ZNF532: variants seen among roughly 807,000 people sequenced by gnomAD.
The protein encoded by ZNF532 is zinc finger protein 532.
Under a neutral mutation model 89.3 loss-of-function variants are expected in ZNF532, and 22 were observed. The ratio of observed to expected loss-of-function variants is 0.25; its 90% CI spans 0.18 to 0.35. The LOEUF (loss-of-function observed/expected upper bound fraction) is 0.35. ZNF532 is among the 10% of genes least tolerant of loss of function. The pLI is 1.00. For missense variants in ZNF532, 1,132 were observed against 1,643.4 expected (o/e 0.69, Z 5.38); for synonymous variants, 606 against 649.6 (o/e 0.93, Z 1.02).
At chr18:58,902,618 G>A (rs1432841050) in intron 2 of ZNF532, among the ~76,000 whole-genome samples, 1 of 151,638 alleles carries the variant, frequency 6.6e-6, no homozygotes, top group African/African-American at 2.4e-5. Flanking sequence ...TCAGCCTCTC[G>A]AGTAGCTGGG....
intron 7 of ZNF532, among the ~76,000 whole-genome samples, chr18:58,959,121 TTTGC>T (rs2065070492): frequency 6.6e-6 from 1 of 152,196 alleles, no homozygotes; most frequent in Non-Finnish European, 1.5e-5. Context: ...CATTCTCTCA[TTTGC>T]TGCCTGGTTC....
intron 5 of ZNF532, chr18:58,940,181 C>G (rs772683016): frequency 6.6e-6 from 1 of 152,166 alleles, no homozygotes; most frequent in African/African-American, 2.4e-5. Flanking sequence ...GCGTGAGCCA[C>G]GGCACCCAGC....
intron 2 of ZNF532, among the ~76,000 whole-genome samples, chr18:58,908,703 A>G (rs776126629): frequency 6.6e-6 from 1 of 152,198 alleles, no homozygotes; most frequent in Non-Finnish European, 1.5e-5. Flanking sequence ...TTGGGAAATC[A>G]TTTTGGCATT....
chr18:58,888,737 T>A (rs1327322224), intron 2 of ZNF532, among the ~76,000 whole-genome samples: 1 of 51,662 alleles, frequency 1.9e-5, no homozygotes, highest in African/African-American at 1.2e-4. Flanking sequence ...ATTATATATA[T>A]ATATTTTATA....
rs920008069 is a variant in ZNF532, at chr18:58,864,893, C to T, written c.-620C>T. On this transcript the variant is annotated 5_prime_UTR_variant, in exon 1 of 10. Coordinates refer to ENST00000591808, the MANE Select transcript of ZNF532 (RefSeq NM_001375912.1). ...AGCTACTACAGTAGGATAGCAGCTTCCTCCCTTCATGGCAGCCAAAAGCAG... is the reference window on the plus strand; with the variant it reads ...AGCTACTACAGTAGGATAGCAGCTTTCTCCCTTCATGGCAGCCAAAAGCAG... 1 of 152,302 alleles carries T rather than the reference C, an allele frequency of 6.6e-6. No individual in the cohort carries two copies. The highest frequency in any genetic ancestry group is 2.4e-5 in the African/African-American group (1 of 41,430). 9.4% of individuals were successfully genotyped at this position (152,302 alleles called of 1,614,324 possible).
intron 7 of ZNF532, among the ~76,000 whole-genome samples, chr18:58,959,266 T>TG (rs1242632347): frequency 2.8e-4 from 42 of 147,432 alleles, no homozygotes; most frequent in African/African-American, 9.9e-4. Flanking sequence ...TTTTGTTTTT[T>TG]TTTGTTTTTT....
intron 2 of ZNF532, among the ~76,000 whole-genome samples, chr18:58,903,311 G>A (rs144624213): frequency 7.2e-5 from 11 of 152,326 alleles, no homozygotes; most frequent in African/African-American, 2.2e-4. Flanking sequence ...AAAAACACAC[G>A]CGGAACCGCA....
chr18:58,971,524 T>G (rs1310985179), intron 7 of ZNF532, among the ~76,000 whole-genome samples: 2 of 152,172 alleles, frequency 1.3e-5, no homozygotes, highest in Non-Finnish European at 2.9e-5. Context: ...GGTTTTAAGG[T>G]ACAAGGGCAG....
intron 2 of ZNF532, chr18:58,916,779 A>G (rs2060630624): frequency 2.1e-6 from 2 of 973,844 alleles, no homozygotes; most frequent in Admixed American, 6.2e-5. Context: ...TGTGGTGTAT[A>G]TGAGTTTTCT....
rs1477772537 is a variant in ZNF532, at chr18:58,984,037, C to A, written c.3477C>A (p.Ile1159=). 2.5e-6 allele frequency: 4 copies of A among 1,611,738 alleles called. No homozygotes were observed. Among genetic ancestry groups the A allele is most frequent in the South Asian group, 1.1e-5 (1 of 90,982 alleles). The change falls in exon 10 of 10, where the codon ATC becomes ATA. Residue 1159 remains isoleucine (I), a synonymous_variant. Coordinates refer to ENST00000591808, the MANE Select transcript of ZNF532 (RefSeq NM_001375912.1). Reference sequence around the variant, plus strand: ...AGTTCAGGCCTCCCCGAGGAGCAATCACTCAACCACTGAAAAAGCTGAAAA... The same window carrying A: ...AGTTCAGGCCTCCCCGAGGAGCAATAACTCAACCACTGAAAAAGCTGAAAA... ...VLEFRPPRGA[I]TQPLKKLKIN...
rs144047430 is a variant in ZNF532 at position 58,892,718 on chromosome 18, C to T, written c.-17-25553C>T. Among the ~76,000 whole-genome samples, 6 of 152,328 alleles carry T rather than the reference C, an allele frequency of 3.9e-5. No individual in the cohort carries two copies. In the East Asian group the frequency reaches 9.6e-4, roughly 24 times the overall value. On this transcript the variant is annotated intron_variant, in intron 2 of 9. Transcript: ENST00000591808. Reference sequence around the variant, plus strand: ...GCAATTGTGATGCAGAAGCAATGTTCGTGTAGAGATTTTGAATCTAAGAGG... The same window carrying T: ...GCAATTGTGATGCAGAAGCAATGTTTGTGTAGAGATTTTGAATCTAAGAGG...
Position 58,918,454 on chromosome 18 carries a change from C to G in ZNF532, c.167C>G (p.Ser56Cys). The change falls in exon 3 of 10, where the codon TCT becomes TGT. Residue 56 changes from serine (S) to cysteine (C), a missense_variant. Coordinates refer to ENST00000591808, the MANE Select transcript of ZNF532 (RefSeq NM_001375912.1). ...GAGGATGACTCCCACGCACCATCAT[C>G]TTCTGATGTGGGTGTCAGCGTTATC... ...HGEDDSHAPS[S>C]SDVGVSVIVK... 1 of 1,614,174 alleles carries G rather than the reference C, an allele frequency of 6.2e-7. No homozygotes were observed. The highest frequency in any genetic ancestry group is 1.1e-5 in the South Asian group (1 of 91,082).
At chr18:58,958,382 C>CTGTATATACAAA (rs1304186231) in intron 7 of ZNF532, among the ~76,000 whole-genome samples, 1 of 152,142 alleles carries the variant, frequency 6.6e-6, no homozygotes, top group African/African-American at 2.4e-5. Flanking sequence ...GTTACAAATT[C>CTGTATATACAAA]TATATACAGA....
intron 3 of ZNF532, among the ~76,000 whole-genome samples, chr18:58,933,654 GTTT>G (rs1308145533): frequency 6.6e-6 from 1 of 152,100 alleles, no homozygotes; most frequent in Non-Finnish European, 1.5e-5. Context: ...TTGGTTTTGT[GTTT>G]TTAAAAATAT....
chr18:58,954,393 A>C (rs1287095571), intron 7 of ZNF532: 1 of 328,570 alleles, frequency 3.0e-6, no homozygotes, highest in East Asian at 1.7e-4. Context: ...ACCTAATAAT[A>C]TTAGCAAAAT....
intron 7 of ZNF532, among the ~76,000 whole-genome samples, chr18:58,977,124 G>C (rs775269363): frequency 6.6e-6 from 1 of 152,040 alleles, no homozygotes; most frequent in Non-Finnish European, 1.5e-5. Context: ...TTTTAACTTG[G>C]AGAAGAAATT....
In ZNF532 at chr18:58,984,239, A is replaced by C. The variant is rs755389157; in HGVS notation, c.3679A>C (p.Lys1227Gln). Residue 1227 changes from lysine to glutamine, a missense_variant, in exon 10 of 10, where the codon AAG becomes CAG. Physicochemically the swap from Lys to Gln is moderately conservative, Grantham distance 53. Around this residue, in one of 9 missense-constraint regions of ZNF532, gnomAD observed 415 missense variants for 604.8 expected, o/e 0.69. Coordinates refer to ENST00000591808, the MANE Select transcript of ZNF532 (RefSeq NM_001375912.1). Reference protein sequence around the residue: ...SLSRHLFIVHKLKEPQPVSKQ... With the variant: ...SLSRHLFIVHQLKEPQPVSKQ... ...GTCCAGGCACCTCTTCATCGTACAC[A>C]AGTTAAAGGAACCTCAGCCAGTGTC... The C allele has an allele frequency of 3.7e-6, 6 of 1,611,792 alleles. No individual in the cohort carries two copies. Among genetic ancestry groups the C allele is most frequent in the Non-Finnish European group, 4.2e-6 (5 of 1,179,840 alleles).
rs1197912521 is a variant in ZNF532, at chr18:58,981,094, G to C, written c.3264-376G>C. The C allele has an allele frequency of 2.3e-5, 5 of 214,688 alleles. No individual in the cohort carries two copies. The East Asian group carries it at 7.1e-4, about 31-fold the overall frequency. The allele number at this position is 214,688 out of a possible 1,614,324, so 13.3% of individuals were successfully genotyped here. On this transcript the variant is annotated intron_variant, in intron 8 of 9. Transcript: ENST00000591808. ...AAACATGCATGCTGCTTTTGTGCCT[G>C]GAAGAATTTGGCGCTGGACACTCAT...
chr18:58,947,446 T>A (rs558029338), intron 5 of ZNF532, among the ~76,000 whole-genome samples: 1 of 152,366 alleles, frequency 6.6e-6, no homozygotes, highest in Non-Finnish European at 1.5e-5. Flanking sequence ...GTGAATATTT[T>A]AAGTCATTTA....
Sources: gnomAD v4.1 joint callset for allele counts (sites outside exome capture counted in the v4.1 genomes callset) on GRCh38, gnomAD v4.1.1 for gene constraint, gnomAD v4.1.1 regional missense constraint, MANE v1.5 for transcripts, NCBI Gene and HGNC (gene_info 2026-07-23, HGNC 2026-07-21) for gene names.